Variants in ERBIN observed in about 807,000 individuals in gnomAD.
ERBIN encodes the protein densin-180-like protein.
In ERBIN, 60 loss-of-function variants were observed where a neutral mutation model predicts 158.4. The observed-to-expected ratio is 0.38, with a 90% CI of 0.31 to 0.47. The LOEUF is 0.47. Ranked by LOEUF, ERBIN falls within the 20% of genes least tolerant of loss-of-function variation. ERBIN has a pLI of 0.99. For synonymous variants in ERBIN, 594 were observed against 557.2 expected (o/e 1.07, Z -0.93); for missense variants, 1,610 against 1,648.0 (o/e 0.98, Z 0.40).
At chr5:65,994,276 C>G (rs1026539291) in intron 3 of ERBIN, among the ~76,000 whole-genome samples, 2 of 152,142 alleles carry the variant, frequency 1.3e-5, no homozygotes, top group East Asian at 3.8e-4. Flanking sequence ...TAATCACCAC[C>G]AGTAGAGTCT....
chr5:65,946,139 C>A (rs567236624), intron 1 of ERBIN, among the ~76,000 whole-genome samples: 11 of 152,128 alleles, frequency 7.2e-5, no homozygotes, highest in Admixed American at 6.5e-4. Flanking sequence ...CTGAGATGGG[C>A]AGCTCACTTG....
At chr5:66,003,346 G>A (rs142543174) in intron 4 of ERBIN, among the ~76,000 whole-genome samples, 1 of 151,228 alleles carries the variant, frequency 6.6e-6, no homozygotes. Flanking sequence ...CATGAGGGTC[G>A]CAGAAGGTGT....
chr5:65,942,363 C>T (rs1732347366), intron 1 of ERBIN, among the ~76,000 whole-genome samples: 1 of 152,148 alleles, frequency 6.6e-6, no homozygotes, highest in African/African-American at 2.4e-5. Context: ...TAGAATAATA[C>T]TATTTCCCAA....
intron 1 of ERBIN, among the ~76,000 whole-genome samples, chr5:65,962,118 T>A (rs1747993053): frequency 6.6e-6 from 1 of 152,198 alleles, no homozygotes; most frequent in Admixed American, 6.5e-5. Context: ...TATTTGTAAA[T>A]GTATAATGTA....
chr5:65,936,499 C>T (rs1023742557), intron 1 of ERBIN, among the ~76,000 whole-genome samples: 2 of 152,046 alleles, frequency 1.3e-5, no homozygotes, highest in South Asian at 4.2e-4. Flanking sequence ...TTTGATTTGT[C>T]GTGGATACCT....
intron 21 of ERBIN, among the ~76,000 whole-genome samples, chr5:66,060,218 C>T (rs1760118386): frequency 6.6e-6 from 1 of 152,122 alleles, no homozygotes; most frequent in Non-Finnish European, 1.5e-5. Flanking sequence ...ATTTCAGAGC[C>T]TGTTATTGGT....
intron 1 of ERBIN, among the ~76,000 whole-genome samples, chr5:65,930,428 C>T (rs1025318334): frequency 1.3e-5 from 2 of 152,156 alleles, no homozygotes; most frequent in African/African-American, 4.8e-5. Context: ...CTGCCTCAGC[C>T]TCCCGAGTAG....
chr5:66,014,023 A>G (rs1754469780), intron 6 of ERBIN, among the ~76,000 whole-genome samples: 1 of 152,166 alleles, frequency 6.6e-6, no homozygotes, highest in Admixed American at 6.6e-5. Context: ...CGACCTCATC[A>G]TCTCCCTGCC....
chr5:65,987,939 T>C (rs181360805), intron 1 of ERBIN, among the ~76,000 whole-genome samples: 2 of 152,338 alleles, frequency 1.3e-5, no homozygotes, highest in East Asian at 3.9e-4. Flanking sequence ...AAAATATAAT[T>C]GGCCATTCGA....
chr5:65,994,648 A>G, intron 3 of ERBIN, 99 bp from the exon 4 acceptor site: 1 of 652,362 alleles, frequency 1.5e-6, no homozygotes, highest in Non-Finnish European at 2.6e-6. Context: ...AGTGTAGGTT[A>G]TAACTCATTC....
At chr5:65,952,970 C>G (rs527678969) in intron 1 of ERBIN, among the ~76,000 whole-genome samples, 1 of 152,136 alleles carries the variant, frequency 6.6e-6, no homozygotes, top group Admixed American at 6.5e-5. Flanking sequence ...AAAAAAGTTT[C>G]GTCCTCCTTC....
chr5:66,041,070 A>G (rs1757877457), intron 15 of ERBIN, among the ~76,000 whole-genome samples: 2 of 151,920 alleles, frequency 1.3e-5, no homozygotes, highest in African/African-American at 4.8e-5. Flanking sequence ...ATTGAAGTGA[A>G]AGTTGCCTCT....
chr5:66,002,920 T>C (rs1014652054), intron 4 of ERBIN, among the ~76,000 whole-genome samples: 1 of 152,192 alleles, frequency 6.6e-6, no homozygotes, highest in Non-Finnish European at 1.5e-5. Flanking sequence ...AGGAAAACCA[T>C]GTTTTACACT....
chr5:65,941,459 A>C (rs916991541), intron 1 of ERBIN, among the ~76,000 whole-genome samples: 8 of 152,168 alleles, frequency 5.3e-5, no homozygotes, highest in African/African-American at 1.7e-4. Flanking sequence ...TACAAATACA[A>C]CACCATTTTA....
intron 1 of ERBIN, among the ~76,000 whole-genome samples, chr5:65,978,918 A>C (rs1353540160): frequency 6.6e-6 from 1 of 152,148 alleles, no homozygotes; most frequent in Non-Finnish European, 1.5e-5. Flanking sequence ...AGTATTTGGA[A>C]CTGCAACCCA....
rs1341862791 is a variant in ERBIN, at chr5:66,082,218, G to A, written c.*3688G>A. Reference sequence around the variant, plus strand: ...GAGAAAGCCTAAAATGTTAGAGAATGTTTAGAGAAAACACCTGAAATTTTT... The same window carrying A: ...GAGAAAGCCTAAAATGTTAGAGAATATTTAGAGAAAACACCTGAAATTTTT... On this transcript the variant is annotated 3_prime_UTR_variant, in exon 26 of 26. Coordinates refer to ENST00000284037, the MANE Select transcript of ERBIN (RefSeq NM_001253697.2). 2.0e-5 allele frequency: 3 copies of A among 152,170 alleles called. No individual in the cohort carries two copies. Among genetic ancestry groups the A allele is most frequent in the African/African-American group, 4.8e-5 (2 of 41,446 alleles). 9.4% of individuals were successfully genotyped at this position (152,170 alleles called of 1,614,324 possible).
At chr5:66,055,462 A>G (rs1465075435) in intron 21 of ERBIN, among the ~76,000 whole-genome samples, 1 of 152,234 alleles carries the variant, frequency 6.6e-6, no homozygotes, top group South Asian at 2.1e-4. Context: ...GAATTTCTAC[A>G]TTTCTGACCT....
chr5:66,060,354 T>C (rs912880541), intron 21 of ERBIN, among the ~76,000 whole-genome samples: 7 of 152,224 alleles, frequency 4.6e-5, no homozygotes, highest in Non-Finnish European at 7.3e-5. Flanking sequence ...TCTCTGATGG[T>C]AGTTTGTATT....
chr5:65,994,777 C>T lies in ERBIN; in HGVS notation c.220C>T (p.Leu74=). The change falls in exon 4 of 26, where the codon CTG becomes TTG. Residue 74 remains leucine, a synonymous_variant. Transcript: ENST00000284037. ...TTTTAACTGTCAGTCTTTACACAAA[C>T]TGAGTTTGCCAGACAATGATTTAAC... ...QLFNCQSLHK[L]SLPDNDLTTL... 1 of 1,607,798 alleles carries T rather than the reference C, an allele frequency of 6.2e-7. No individual in the cohort carries two copies. Among genetic ancestry groups the T allele is most frequent in the Non-Finnish European group, 8.5e-7 (1 of 1,177,970 alleles).
Sources: allele counts gnomAD v4.1 joint callset (sites outside exome capture counted in the v4.1 genomes callset), GRCh38; gene constraint gnomAD v4.1.1; transcripts MANE v1.5; gene names NCBI Gene and HGNC (gene_info 2026-07-23, HGNC 2026-07-21).